Variants in P2RY14 observed in about 807,000 individuals in gnomAD.
The protein encoded by P2RY14 is purinergic receptor P2Y14.
Under a neutral mutation model 0.9 loss-of-function variants are expected in P2RY14, and 2 were observed. That is an observed-to-expected ratio of 2.16 (90% CI 0.88 to 6.79). P2RY14 has a LOEUF of 6.79. P2RY14 is among the 30% of genes most tolerant of loss of function. P2RY14 has a pLI of 0.05. For synonymous variants in P2RY14, 158 were observed against 147.2 expected (o/e 1.07, Z -0.53); for missense variants, 378 against 400.1 (o/e 0.94, Z 0.47).
chr3:151,227,957 A>G (rs190854058), intron 1 of P2RY14, among the ~76,000 whole-genome samples: 1 of 152,162 alleles, frequency 6.6e-6, no homozygotes, highest in African/African-American at 2.4e-5. Flanking sequence ...GTCCCCACAC[A>G]TTTCTAAATT....
chr3:151,216,834 T>C (rs1280372282), intron 2 of P2RY14, among the ~76,000 whole-genome samples: 1 of 152,116 alleles, frequency 6.6e-6, no homozygotes, highest in Non-Finnish European at 1.5e-5. Flanking sequence ...TGACTAAGAG[T>C]CTGTGGCTGG....
chr3:151,243,307 A>G (rs1734624926), intron 1 of P2RY14, among the ~76,000 whole-genome samples: 1 of 151,488 alleles, frequency 6.6e-6, no homozygotes, highest in Admixed American at 6.6e-5. Flanking sequence ...TCCAAGACAC[A>G]TAATTGTCAG....
At chr3:151,219,949 A>C (rs1180764828) in intron 1 of P2RY14, among the ~76,000 whole-genome samples, 2 of 142,392 alleles carry the variant, frequency 1.4e-5, no homozygotes, top group Admixed American at 1.4e-4. Flanking sequence ...GACTGAATAT[A>C]ACAATTCATC....
chr3:151,258,865 A>AG (rs1738332038), intron 1 of P2RY14, among the ~76,000 whole-genome samples: 1 of 151,788 alleles, frequency 6.6e-6, no homozygotes, highest in East Asian at 1.9e-4. Context: ...AAAAAAAAAA[A>AG]AAAAAAAAGT....
Position 151,213,709 on chromosome 3 carries a change from A to G in P2RY14, c.608T>C (p.Ile203Thr). 1 of 1,614,244 alleles carries G rather than the reference A, an allele frequency of 6.2e-7. No individual in the cohort carries two copies. Among genetic ancestry groups the G allele is most frequent in the Non-Finnish European group, 8.5e-7 (1 of 1,180,044 alleles). The change falls in exon 3 of 3, where the codon ATC becomes ACC. Residue 203 changes from isoleucine to threonine, a missense_variant. Physicochemically the swap from Ile to Thr is moderately conservative, Grantham distance 89. Coordinates refer to ENST00000309170, the MANE Select transcript of P2RY14 (RefSeq NM_014879.4). ...CTTTGTGATAGCAGTATAGAAAACG[A>G]TTAACAAAAGAAACACAATCCAGAA... ...AIFWIVFLLL[I>T]VFYTAITKKI...
intron 1 of P2RY14, among the ~76,000 whole-genome samples, chr3:151,243,419 CG>C (rs35026088): frequency 0.86 from 124,247 of 144,936 alleles, 53,241 homozygotes; most frequent in African/African-American, 0.94. Flanking sequence ...GCGGATCTCT[CG>C]GCAGAAACCC....
At chr3:151,224,967 A>G (rs1202743717) in intron 1 of P2RY14, among the ~76,000 whole-genome samples, 4 of 152,238 alleles carry the variant, frequency 2.6e-5, no homozygotes, top group Non-Finnish European at 2.9e-5. Flanking sequence ...TTACTAAAAT[A>G]ACTTACAGCG....
chr3:151,255,575 G>A (rs576253914), intron 1 of P2RY14, among the ~76,000 whole-genome samples: 3 of 152,210 alleles, frequency 2.0e-5, no homozygotes, highest in South Asian at 4.2e-4. Flanking sequence ...CTGAACACAC[G>A]CGATTTTTCC....
chr3:151,241,498 C>G (rs926720270), intron 1 of P2RY14, among the ~76,000 whole-genome samples: 1 of 152,028 alleles, frequency 6.6e-6, no homozygotes, highest in East Asian at 1.9e-4. Context: ...AGCATCTTCC[C>G]CTATAATGGA....
chr3:151,238,453 A>G (rs973403000), intron 1 of P2RY14, among the ~76,000 whole-genome samples: 2 of 152,206 alleles, frequency 1.3e-5, no homozygotes, highest in African/African-American at 4.8e-5. Context: ...AGCCTGGAAC[A>G]GTGGTTTTTA....
intron 1 of P2RY14, chr3:151,269,397 TCACACACACACA>T (rs71801434): frequency 2.8e-3 from 408 of 144,672 alleles, no homozygotes; most frequent in South Asian, 9.5e-3. Flanking sequence ...TGAAACTCCA[TCACACACACACA>T]CACACACACA....
intron 1 of P2RY14, 72 bp downstream of exon 1, chr3:151,278,215 C>T (rs1742215911): frequency 6.6e-6 from 1 of 152,180 alleles, no homozygotes; most frequent in Non-Finnish European, 1.5e-5. Flanking sequence ...CTGCCCAGCT[C>T]AGAAATCTTT....
chr3:151,213,263 A>G lies in P2RY14; in HGVS notation c.*37T>C, dbSNP rs1385192080. The G allele has an allele frequency of 6.7e-6, 10 of 1,483,340 alleles. No homozygotes were observed. The highest frequency in any genetic ancestry group is 9.1e-6 in the Non-Finnish European group (10 of 1,093,576). 91.9% of individuals were successfully genotyped at this position (1,483,340 alleles called of 1,614,324 possible). A position where few individuals can be genotyped will look rare whatever the true frequency, so the allele number is the denominator to read the frequency against. On this transcript the variant is annotated 3_prime_UTR_variant, in exon 3 of 3. Coordinates refer to ENST00000309170, the MANE Select transcript of P2RY14 (RefSeq NM_014879.4). ...CTGTTATGTAATTGAAGATGACAAC[A>G]TGCACACGTGGTCTTTCTTTGGAAG...
intron 1 of P2RY14, among the ~76,000 whole-genome samples, chr3:151,249,306 T>C (rs953393421): frequency 6.6e-6 from 1 of 152,186 alleles, no homozygotes; most frequent in African/African-American, 2.4e-5. Flanking sequence ...ATAGCTTCTG[T>C]ATTTATTGGG....
Position 151,214,457 on chromosome 3 carries a change from C to G in P2RY14, c.-24-117G>C, listed in dbSNP as rs550547312. 7.5e-5 allele frequency: 48 copies of G among 642,322 alleles called. No individual in the cohort carries two copies. The South Asian group carries it at 9.3e-4, about 12-fold the overall frequency. 39.8% of individuals were successfully genotyped at this position (642,322 alleles called of 1,614,324 possible). A position where few individuals can be genotyped will look rare whatever the true frequency, so the allele number is the denominator to read the frequency against. On this transcript the variant is annotated intron_variant, in intron 2 of 2. Transcript: ENST00000309170. ...AAACCTACCAAATTTTTGAAGCCAC[C>G]TTTTTACTCTGTGTAAGTTAGACAC...
intron 1 of P2RY14, among the ~76,000 whole-genome samples, chr3:151,247,761 T>A (rs1298003171): frequency 1.1e-4 from 16 of 144,138 alleles, no homozygotes; most frequent in Non-Finnish European, 1.2e-4. Flanking sequence ...TAATGTATAA[T>A]AAAAAAAAAA....
rs1728926837 is a variant in P2RY14, at chr3:151,219,625, GT to G, written c.-116del. 1.3e-5 allele frequency: 2 copies of G among 152,100 alleles called. No individual in the cohort carries two copies. Among genetic ancestry groups the G allele is most frequent in the East Asian group, 3.8e-4 (2 of 5,200 alleles). 9.4% of individuals were successfully genotyped at this position (152,100 alleles called of 1,614,324 possible). A position where few individuals can be genotyped will look rare whatever the true frequency, so the allele number is the denominator to read the frequency against. ...TTTGTCGTCTTGAAGTGGCCCAAGT[GT>G]TTTTTCATTAAAGATCCTGCATTAC... On this transcript the variant is annotated 5_prime_UTR_variant, in exon 2 of 3. It removes the in-frame stop codon of an upstream open reading frame in the 5' UTR. Transcript: ENST00000309170.
chr3:151,263,983 C>T (rs566157840), intron 1 of P2RY14, among the ~76,000 whole-genome samples: 1 of 152,358 alleles, frequency 6.6e-6, no homozygotes, highest in East Asian at 1.9e-4. Flanking sequence ...CTTACCACCA[C>T]TCCTTCCCTC....
chr3:151,276,493 G>GT (rs752407620), intron 1 of P2RY14, among the ~76,000 whole-genome samples: 2 of 152,208 alleles, frequency 1.3e-5, no homozygotes, highest in Non-Finnish European at 1.5e-5. Flanking sequence ...GGACTGGTCT[G>GT]TTTTTGGTAT....
Sources: gnomAD v4.1 joint callset for allele counts (sites outside exome capture counted in the v4.1 genomes callset) on GRCh38, gnomAD v4.1.1 for gene constraint, MANE v1.5 for transcripts, NCBI Gene and HGNC (gene_info 2026-07-23, HGNC 2026-07-21) for gene names.